The following SATL1 variants were observed in gnomAD, a reference collection of about 807,000 sequenced individuals.
SATL1 encodes spermidine/spermine N(1)-acetyltransferase-like protein 1.
Under a neutral mutation model 51.8 loss-of-function variants are expected in SATL1, and 47 were observed. The ratio of observed to expected loss-of-function variants is 0.91; its 90% confidence interval spans 0.72 to 1.16. The LOEUF (loss-of-function observed/expected upper bound fraction) is 1.16. Ranked by LOEUF, SATL1 falls within the 50% of genes most tolerant of loss-of-function variation. SATL1 has a pLI of 0.00. For synonymous variants in SATL1, 176 were observed against 182.4 expected, an observed-to-expected ratio of 0.97 and a Z score of 0.28; for missense variants, 520 against 526.4, an observed-to-expected ratio of 0.99 and a Z score of 0.12.
At chrX:85,145,584 A>C (rs949229788) in intron 2 of SATL1, among the ~76,000 whole-genome samples, 7 of 111,716 alleles carry the variant, frequency 6.3e-5, no homozygotes, top group Non-Finnish European at 1.1e-4. Flanking sequence ...AATAAATGAC[A>C]GTGTATTACA....
chrX:85,170,738 G>A (rs1326398088), intron 2 of SATL1, among the ~76,000 whole-genome samples: 1 of 111,363 alleles, frequency 9.0e-6, no homozygotes. Context: ...ATGCAAATGC[G>A]CTTAAAACAA....
chrX:85,167,350 T>TAAC (rs1439692806), intron 2 of SATL1, among the ~76,000 whole-genome samples: 1 of 109,046 alleles, frequency 9.2e-6, no homozygotes, highest in Non-Finnish European at 1.9e-5. Flanking sequence ...CACCCCTAAA[T>TAAC]AACTTATACA....
At chrX:85,152,078 G>T (rs1926458769) in intron 2 of SATL1, among the ~76,000 whole-genome samples, 1 of 110,433 alleles carries the variant, frequency 9.1e-6, no homozygotes, top group South Asian at 3.9e-4. Flanking sequence ...CTGACAAAGG[G>T]CTAATATCCA....
intron 2 of SATL1, among the ~76,000 whole-genome samples, chrX:85,164,210 C>T (rs1054612318): frequency 7.2e-5 from 8 of 111,789 alleles, no homozygotes; most frequent in African/African-American, 1.9e-4. Flanking sequence ...GTATCTTTTA[C>T]GTACAACATT....
chrX:85,126,318 A>T (rs750990253), intron 2 of SATL1, among the ~76,000 whole-genome samples: 1 of 111,444 alleles, frequency 9.0e-6, no homozygotes, highest in East Asian at 2.8e-4. Flanking sequence ...TAATCATTTT[A>T]TGTATGTTTT....
intron 2 of SATL1, among the ~76,000 whole-genome samples, chrX:85,117,028 A>G (rs752899571): frequency 9.0e-6 from 1 of 111,038 alleles, no homozygotes; most frequent in African/African-American, 3.3e-5. Flanking sequence ...ACTCTAGTAA[A>G]CATACTGCAT....
At chrX:85,124,949 A>C (rs1315759709) in intron 2 of SATL1, among the ~76,000 whole-genome samples, 3 of 109,826 alleles carry the variant, frequency 2.7e-5, no homozygotes, top group Non-Finnish European at 5.7e-5. Flanking sequence ...CTCAGGAGTA[A>C]TATGAATCAT....
chrX:85,191,117 A>G (rs1391756525), intron 2 of SATL1, among the ~76,000 whole-genome samples: 7 of 89,970 alleles, frequency 7.8e-5, no homozygotes, highest in African/African-American at 2.6e-4. Context: ...TTAAAGTATA[A>G]TAATAATAAT....
chrX:85,154,574 G>A (rs1036259513), intron 2 of SATL1, among the ~76,000 whole-genome samples: 23 of 111,611 alleles, frequency 2.1e-4, no homozygotes, highest in African/African-American at 7.2e-4. Context: ...ACCCTATAAA[G>A]TCTTGATGAG....
intron 2 of SATL1, chrX:85,143,369 A>G (rs927044440): frequency 2.7e-5 from 3 of 110,985 alleles, no homozygotes; most frequent in African/African-American, 9.8e-5. Flanking sequence ...GCCTCTCCTA[A>G]TTGCAGCAGT....
At chrX:85,145,996 A>G (rs1926227156) in intron 2 of SATL1, among the ~76,000 whole-genome samples, 1 of 107,540 alleles carries the variant, frequency 9.3e-6, no homozygotes, top group South Asian at 4.1e-4. Flanking sequence ...TCCCGGGTTC[A>G]CACCATTCTC....
intron 2 of SATL1, among the ~76,000 whole-genome samples, chrX:85,149,321 C>T (rs1926351742): frequency 9.0e-6 from 1 of 111,328 alleles, no homozygotes; most frequent in African/African-American, 3.3e-5. Context: ...AAAGCAAGTC[C>T]TGAGTGACCT....
chrX:85,117,432 G>C (rs1430743701), intron 2 of SATL1: 2 of 111,223 alleles, frequency 1.8e-5, no homozygotes, highest in Non-Finnish European at 3.8e-5. Flanking sequence ...ATTAAGAAAG[G>C]CATTTGTAGA....
At chrX:85,132,583 A>C (rs1925837524) in intron 2 of SATL1, among the ~76,000 whole-genome samples, 1 of 111,344 alleles carries the variant, frequency 9.0e-6, no homozygotes, top group African/African-American at 3.3e-5. Flanking sequence ...GCTTGCTTGC[A>C]ATGGTTTCAA....
chrX:85,097,062 C>A (rs1361682494), intron 4 of SATL1, among the ~76,000 whole-genome samples: 1 of 111,550 alleles, frequency 9.0e-6, no homozygotes, highest in African/African-American at 3.3e-5. Context: ...ACAGTCGACC[C>A]TTGAACAACA....
chrX:85,128,346 G>A (rs751445065), intron 2 of SATL1, among the ~76,000 whole-genome samples: 1 of 111,836 alleles, frequency 8.9e-6, no homozygotes, highest in East Asian at 2.8e-4. Context: ...ATTCTAACTG[G>A]CGTGAGATGG....
chrX:85,123,138 T>C (rs1010138018), intron 2 of SATL1, among the ~76,000 whole-genome samples: 3 of 111,607 alleles, frequency 2.7e-5, no homozygotes, highest in Non-Finnish European at 5.7e-5. Flanking sequence ...CACATGTCTT[T>C]ATAGTAGAAT....
At chrX:85,136,360 T>C (rs930779319) in intron 2 of SATL1, among the ~76,000 whole-genome samples, 2 of 111,114 alleles carry the variant, frequency 1.8e-5, no homozygotes, top group Non-Finnish European at 3.8e-5. Context: ...CAACAAAGAG[T>C]ACAAAAACTT....
chrX:85,136,312 T>C (rs1280962400), intron 2 of SATL1, among the ~76,000 whole-genome samples: 1 of 111,671 alleles, frequency 9.0e-6, no homozygotes, highest in Non-Finnish European at 1.9e-5. Flanking sequence ...AATATTTTTA[T>C]AGAGTATAGA....
Sources: allele counts gnomAD v4.1 joint callset (sites outside exome capture counted in the v4.1 genomes callset), GRCh38; gene constraint gnomAD v4.1.1; transcripts MANE v1.5; gene names NCBI Gene and HGNC (gene_info 2026-07-23, HGNC 2026-07-21).